NECAB2: variants seen among roughly 807,000 people sequenced by gnomAD.
NECAB2 encodes the protein N-terminal EF-hand calcium-binding protein 2.
A neutral mutation model predicts 51.9 loss-of-function variants in NECAB2; 68 were observed. The ratio of observed to expected loss-of-function variants is 1.31; its 90% CI spans 1.08 to 1.60. The LOEUF is 1.60. NECAB2 is among the 40% of genes most tolerant of loss of function. NECAB2 has a pLI of 0.00. For synonymous variants in NECAB2, 329 were observed against 203.5 expected (o/e 1.62, Z -5.25); for missense variants, 854 against 490.3 (o/e 1.74, Z -7.00).
intron 8 of NECAB2, among the ~76,000 whole-genome samples, chr16:83,995,949 C>A: frequency 6.6e-6 from 1 of 152,324 alleles, no homozygotes; most frequent in Middle Eastern, 3.4e-3. Context: ...AGAGCACCGT[C>A]GCCCTAACAA....
chr16:83,988,523 G>A (rs966735121), intron 5 of NECAB2, among the ~76,000 whole-genome samples: 1 of 151,982 alleles, frequency 6.6e-6, no homozygotes, highest in East Asian at 1.9e-4. Flanking sequence ...ACCATTAGTG[G>A]TTAATGTTTT....
At chr16:84,001,075 G>A (rs2292331) in intron 11 of NECAB2, among the ~76,000 whole-genome samples, 1 of 151,942 alleles carries the variant, frequency 6.6e-6, no homozygotes, top group African/African-American at 2.4e-5. Context: ...TCCTGGAACA[G>A]CCCTGGGGGC....
At chr16:84,000,350 C>CA (rs1357443581) in intron 10 of NECAB2, among the ~76,000 whole-genome samples, 3 of 151,938 alleles carry the variant, frequency 2.0e-5, no homozygotes, top group Non-Finnish European at 4.4e-5. Flanking sequence ...GGGAACATAG[C>CA]AAGACCCCAT....
intron 5 of NECAB2, among the ~76,000 whole-genome samples, chr16:83,983,901 G>A (rs770612362): frequency 1.3e-5 from 2 of 152,030 alleles, no homozygotes; most frequent in Non-Finnish European, 2.9e-5. Flanking sequence ...TGTTAAACAG[G>A]GGAGGGGATG....
chr16:83,984,753 C>G (rs908686258), intron 5 of NECAB2, among the ~76,000 whole-genome samples: 29 of 152,214 alleles, frequency 1.9e-4, no homozygotes, highest in African/African-American at 6.5e-4. Flanking sequence ...ATAAAATGTG[C>G]TGCTGTAGCT....
intron 10 of NECAB2, among the ~76,000 whole-genome samples, chr16:83,998,698 A>G (rs1357752490): frequency 1.3e-5 from 2 of 152,316 alleles, no homozygotes; most frequent in South Asian, 2.1e-4. Context: ...GTTCCTGCAC[A>G]CTTAAGTCCA....
At chr16:83,982,329 G>T (rs541195798) in intron 5 of NECAB2, among the ~76,000 whole-genome samples, 1 of 152,144 alleles carries the variant, frequency 6.6e-6, no homozygotes, top group African/African-American at 2.4e-5. Context: ...ATGCTGTTTT[G>T]AGTCTTGCTG....
chr16:83,977,268 A>G (rs1415344322), intron 2 of NECAB2, among the ~76,000 whole-genome samples: 1 of 152,060 alleles, frequency 6.6e-6, no homozygotes, highest in African/African-American at 2.4e-5. Flanking sequence ...TGCCACTCAC[A>G]TAGTTTCTCT....
upstream of NECAB2, chr16:83,966,099 G>C: frequency 1.8e-6 from 2 of 1,102,664 alleles, no homozygotes; most frequent in Non-Finnish European, 2.5e-6. Flanking sequence ...GATGCCCCGG[G>C]GAGGGGTGTC....
chr16:83,999,612 G>T (rs1228741679), intron 10 of NECAB2, among the ~76,000 whole-genome samples: 1 of 152,078 alleles, frequency 6.6e-6, no homozygotes, highest in African/African-American at 2.4e-5. Flanking sequence ...ATGGTCACTT[G>T]GGGCTTCCTC....
chr16:83,979,322 T>C (rs1201849752), intron 3 of NECAB2, among the ~76,000 whole-genome samples: 3 of 152,108 alleles, frequency 2.0e-5, no homozygotes, highest in Non-Finnish European at 4.4e-5. Context: ...GCACATTTGG[T>C]AAGCGGAGGT....
chr16:83,981,257 G>C lies in NECAB2; in HGVS notation c.459+130G>C, dbSNP rs535384768. On this transcript the variant is annotated intron_variant, in intron 5 of 12. Coordinates refer to ENST00000305202, the MANE Select transcript of NECAB2 (RefSeq NM_019065.3). ...CCTATCTCAGGGGTGGGCTTTGCCT[G>C]GGCCTCTTTGAAGCAGCTGAGATGA... The C allele has an allele frequency of 6.0e-4, 452 of 751,826 alleles. 2 individuals are homozygous for C. The Middle Eastern group carries it at 9.7e-3, about 16-fold the overall frequency. The allele number at this position is 751,826 out of a possible 1,614,324, so 46.6% of individuals were successfully genotyped here. A position where few individuals can be genotyped will look rare whatever the true frequency, so the allele number is the denominator to read the frequency against.
intron 8 of NECAB2, among the ~76,000 whole-genome samples, chr16:83,995,982 A>C (rs1271586372): frequency 1.3e-5 from 2 of 152,310 alleles, no homozygotes; most frequent in South Asian, 4.1e-4. Flanking sequence ...GTAACCACGG[A>C]GTACCTGGGC....
rs1053475898 is a variant in NECAB2 at position 83,980,737 on chromosome 16, T to C, written c.336-102T>C. On this transcript the variant is annotated intron_variant, in intron 3 of 12. Coordinates refer to ENST00000305202, the MANE Select transcript of NECAB2 (RefSeq NM_019065.3). Reference sequence around the variant, plus strand: ...GAGCTTGTGGGGCCAGCACACAGGCTGCAAAGAGCAGGCAGGATGTGTGTT... The same window carrying C: ...GAGCTTGTGGGGCCAGCACACAGGCCGCAAAGAGCAGGCAGGATGTGTGTT... The C allele has an allele frequency of 8.3e-6, 12 of 1,452,364 alleles. No homozygotes were observed. In the African/African-American group the frequency reaches 1.6e-4, roughly 19 times the overall value. 90.0% of individuals were successfully genotyped at this position (1,452,364 alleles called of 1,614,324 possible).
chr16:83,973,717 C>T (rs72791591), intron 2 of NECAB2, among the ~76,000 whole-genome samples: 3,725 of 151,968 alleles, frequency 0.025, 68 homozygotes, highest in South Asian at 0.059. Context: ...TGTCCCGGGC[C>T]TGATACCCAG....
intron 2 of NECAB2, among the ~76,000 whole-genome samples, chr16:83,974,568 C>T (rs928389580): frequency 3.9e-5 from 6 of 152,130 alleles, no homozygotes; most frequent in African/African-American, 1.2e-4. Flanking sequence ...GTGCTTTTTC[C>T]TTTAATCTTC....
chr16:83,979,110 A>G (rs1248104816), intron 3 of NECAB2, among the ~76,000 whole-genome samples: 1 of 152,230 alleles, frequency 6.6e-6, no homozygotes, highest in Non-Finnish European at 1.5e-5. Context: ...ATCAAGTGGA[A>G]AATGCAGATT....
At chr16:83,966,173 C>A, upstream of NECAB2, 1 of 621,960 alleles carries the variant, frequency 1.6e-6, no homozygotes, top group Non-Finnish European at 2.8e-6. Flanking sequence ...TGGACTTAGA[C>A]CAGTGTCTGA....
intron 2 of NECAB2, among the ~76,000 whole-genome samples, chr16:83,973,007 C>T (rs2084365913): frequency 6.6e-6 from 1 of 152,216 alleles, no homozygotes; most frequent in African/African-American, 2.4e-5. Flanking sequence ...TAAAGTGGGG[C>T]AATAACACTT....
Sources: gnomAD v4.1 joint callset for allele counts (sites outside exome capture counted in the v4.1 genomes callset) on GRCh38, gnomAD v4.1.1 for gene constraint, MANE v1.5 for transcripts, NCBI Gene and HGNC (gene_info 2026-07-23, HGNC 2026-07-21) for gene names.